INTS3: variants seen among roughly 807,000 people sequenced by gnomAD.
INTS3 encodes the protein integrator complex subunit 3.
A neutral mutation model predicts 146.3 loss-of-function variants in INTS3; 34 were observed. That is an observed-to-expected ratio of 0.23 (90% CI 0.18 to 0.31). The LOEUF is 0.31. INTS3 is among the 10% of genes least tolerant of loss of function. The pLI is 1.00. For synonymous variants in INTS3, 475 were observed against 494.9 expected (o/e 0.96, Z 0.53); for missense variants, 757 against 1,304.2 (o/e 0.58, Z 6.46).
At chr1:153,746,420 C>T (rs943025272) in intron 3 of INTS3, among the ~76,000 whole-genome samples, 3 of 150,620 alleles carry the variant, frequency 2.0e-5, no homozygotes, top group African/African-American at 7.3e-5. Flanking sequence ...GACAGAGTTT[C>T]GCTCCGTCGC....
chr1:153,737,645 C>T (rs887624255), intron 1 of INTS3, among the ~76,000 whole-genome samples: 6 of 152,126 alleles, frequency 3.9e-5, no homozygotes, highest in South Asian at 2.1e-4. Context: ...ACTACAGGTG[C>T]GCGCCACCAC....
At chr1:153,753,597 G>A (rs963614295) in intron 8 of INTS3, 1 of 151,370 alleles carries the variant, frequency 6.6e-6, no homozygotes, top group South Asian at 2.1e-4. Context: ...GGTTTAAGGA[G>A]ATGAAGTAAT....
At chr1:153,734,223 T>A (rs6427183) in intron 1 of INTS3, among the ~76,000 whole-genome samples, 7 of 152,088 alleles carry the variant, frequency 4.6e-5, no homozygotes, top group Admixed American at 2.6e-4. Context: ...CCTATGATTC[T>A]ATCTTTACTA....
At chr1:153,761,198 A>G in intron 13 of INTS3, 3 of 665,774 alleles carry the variant, frequency 4.5e-6, no homozygotes, top group Non-Finnish European at 6.9e-6. Flanking sequence ...ACCTATCTCA[A>G]CTCCATGTTG....
At chr1:153,739,432 T>C (rs2101785579) in intron 1 of INTS3, among the ~76,000 whole-genome samples, 1 of 151,662 alleles carries the variant, frequency 6.6e-6, no homozygotes, top group East Asian at 2.0e-4. Context: ...GACCTCTGCC[T>C]CCTGGGTTTA....
chr1:153,773,957 T>C lies in INTS3; in HGVS notation c.*687T>C, dbSNP rs898628373. On this transcript the variant is annotated 3_prime_UTR_variant, in exon 30 of 30. Transcript: ENST00000318967. ...AGTCCCAGAGGCAAGTTTCACAGAA[T>C]TGTCAAATGATCCCATTTCCTTGAG... 6 of 167,044 alleles carry C rather than the reference T, an allele frequency of 3.6e-5. No individual in the cohort carries two copies. Among genetic ancestry groups the C allele is most frequent in the Non-Finnish European group, 8.8e-5 (6 of 68,100 alleles). 10.3% of individuals were successfully genotyped at this position (167,044 alleles called of 1,614,324 possible). A position where few individuals can be genotyped will look rare whatever the true frequency, so the allele number is the denominator to read the frequency against.
intron 3 of INTS3, among the ~76,000 whole-genome samples, chr1:153,745,091 TA>T (rs1671676456): frequency 6.6e-6 from 1 of 151,912 alleles, no homozygotes; most frequent in African/African-American, 2.4e-5. Flanking sequence ...TACATATATA[TA>T]TATTATTGTT....
intron 11 of INTS3, chr1:153,759,871 AG>A: frequency 7.3e-6 from 4 of 544,480 alleles, no homozygotes; most frequent in Non-Finnish European, 1.3e-5. Context: ...GCAAAGGAAA[AG>A]GCTGTACCAT....
chr1:153,764,285 C>A, intron 18 of INTS3, 64 bp downstream of exon 18: 1 of 1,053,690 alleles, frequency 9.5e-7, no homozygotes, highest in East Asian at 2.4e-5. Context: ...CAGCCTGAGT[C>A]CAAGAGACCC....
rs1203978677 is a variant in INTS3, at chr1:153,773,893, G to A, written c.*623G>A. 7.9e-6 allele frequency: 1 copy of A among 126,352 alleles called. No homozygotes were observed. Among genetic ancestry groups the A allele is most frequent in the Non-Finnish European group, 2.0e-5 (1 of 50,432 alleles). 7.8% of individuals were successfully genotyped at this position (126,352 alleles called of 1,614,324 possible). On this transcript the variant is annotated 3_prime_UTR_variant, in exon 30 of 30. Transcript: ENST00000318967. The stretch of plus-strand genomic sequence containing the variant: ...TGGTGTGCCCTGGAGGCTTAGGTTG[G>A]TCTGAGGTTGGCACCTCAATCTACA...
chr1:153,773,002 C>T lies in INTS3; in HGVS notation c.2972C>T (p.Ala991Val). 1 of 1,614,228 alleles carries T rather than the reference C, an allele frequency of 6.2e-7. No homozygotes were observed. The highest frequency in any genetic ancestry group is 1.1e-5 in the South Asian group (1 of 91,086). ...CCACCCAAGAGCCGGCGAAAAGCAGCTCTGTCCAGCCCTCGAAGTCGAAAG... is the reference window on the plus strand; with the variant it reads ...CCACCCAAGAGCCGGCGAAAAGCAGTTCTGTCCAGCCCTCGAAGTCGAAAG... ...TKPPKSRRKA[A>V]LSSPRSRKNA... The change falls in exon 29 of 30, where the codon GCT (alanine) becomes GTT (valine). Residue 991 changes from alanine (A) to valine (V), a missense_variant. By Grantham distance (64) the Ala-to-Val change is moderately conservative. Coordinates refer to ENST00000318967, the MANE Select transcript of INTS3 (RefSeq NM_023015.5).
intron 21 of INTS3, 132 bp from the exon 22 acceptor site, chr1:153,768,761 T>C (rs1174725946): frequency 1.5e-5 from 10 of 685,676 alleles, no homozygotes; most frequent in Non-Finnish European, 2.3e-5. Flanking sequence ...GATCTCTGTT[T>C]AGGGGTTTAT....
chr1:153,770,571 T>C, intron 24 of INTS3, 114 bp from the exon 25 acceptor site: 1 of 891,902 alleles, frequency 1.1e-6, no homozygotes. Context: ...TCCTGGCTCC[T>C]CATCAAAGAC....
rs73013755 is a variant in INTS3, at chr1:153,750,059, G to A, written c.585-1036G>A. 4.9e-3 allele frequency among the ~76,000 whole-genome samples: 743 copies of A among 152,306 alleles called. 11 individuals are homozygous for A. The highest frequency in any genetic ancestry group is 0.017 in the African/African-American group (698 of 41,564). ...GGGCTGTGGAGTTAAAAGGTAGCAG[G>A]TAGGGGAGGAAACGTTCCCCAGTAA... On this transcript the variant is annotated intron_variant, in intron 6 of 29. Transcript: ENST00000318967.
chr1:153,739,340 C>T (rs1279380452), intron 1 of INTS3, among the ~76,000 whole-genome samples: 1 of 151,940 alleles, frequency 6.6e-6, no homozygotes, highest in Non-Finnish European at 1.5e-5. Context: ...GCTGGGATTA[C>T]AGGCGTGAGC....
At chr1:153,770,653 C>T (rs751315444) in intron 24 of INTS3, 32 bp from the exon 25 acceptor site, 2 of 1,591,198 alleles carry the variant, frequency 1.3e-6, no homozygotes, top group South Asian at 1.1e-5. Context: ...ATCATACCTT[C>T]CCCCTGAACA....
chr1:153,736,354 C>G (rs909245704), intron 1 of INTS3, among the ~76,000 whole-genome samples: 9 of 152,150 alleles, frequency 5.9e-5, no homozygotes, highest in African/African-American at 2.2e-4. Flanking sequence ...CTTGCCTTAA[C>G]ACTCAGTTCT....
rs373275234 is a variant in INTS3 at position 153,751,043 on chromosome 1, G to A, written c.585-52G>A. On this transcript the variant is annotated intron_variant, in intron 6 of 29. Coordinates refer to ENST00000318967, the MANE Select transcript of INTS3 (RefSeq NM_023015.5). ...CAAGCCCAAGAAGCGTGAATTGGGA[G>A]GGTGAATAGTTCTAGACAGAGCATA... 1.6e-5 allele frequency: 25 copies of A among 1,565,210 alleles called. No individual in the cohort carries two copies. In the African/African-American group the frequency reaches 3.3e-4, roughly 20 times the overall value.
chr1:153,771,782 C>T lies in INTS3; in HGVS notation c.2553-14C>T. On this transcript the variant is annotated splice_polypyrimidine_tract_variant and intron_variant, in intron 25 of 29. Transcript: ENST00000318967. ...ACTGTGCAAGCAGCACCCAGTGCCC[C>T]CTTCCTCCCCCAGGCCCAGCGAGGA... is the stretch of plus-strand genomic sequence containing the variant. 6.2e-7 allele frequency: 1 copy of T among 1,606,196 alleles called. No individual in the cohort carries two copies. Among genetic ancestry groups the T allele is most frequent in the South Asian group, 1.1e-5 (1 of 90,314 alleles).
Sources: gnomAD v4.1 joint callset for allele counts (sites outside exome capture counted in the v4.1 genomes callset) on GRCh38, gnomAD v4.1.1 for gene constraint, MANE v1.5 for transcripts, NCBI Gene and HGNC (gene_info 2026-07-23, HGNC 2026-07-21) for gene names.